RYR2: variants seen among roughly 807,000 people sequenced by gnomAD.
The protein encoded by RYR2 is ryanodine receptor 2, also known as cardiac muscle ryanodine receptor-calcium release channel.
In RYR2, 227 loss-of-function variants were observed where a neutral mutation model predicts 601.1. That is an observed-to-expected ratio of 0.38 (90% CI 0.34 to 0.42). The LOEUF (loss-of-function observed/expected upper bound fraction) is 0.42, where lower values mean the gene tolerates loss of function less well. Among genes scored for constraint, RYR2 ranks in the 10% least tolerant of loss-of-function variants. The pLI is 1.00. For missense variants in RYR2, 4,646 were observed against 6,156.5 expected (o/e 0.75, Z 8.21); for synonymous variants, 2,223 against 2,175.1 (o/e 1.02, Z -0.61).
intron 36 of RYR2, among the ~76,000 whole-genome samples, chr1:237,611,457 G>A (rs1448391792): frequency 1.3e-5 from 2 of 152,112 alleles, no homozygotes; most frequent in Non-Finnish European, 2.9e-5. Flanking sequence ...AAAATACTGG[G>A]AGTGTCTTCG....
chr1:237,341,180 T>A (rs1020835286), intron 3 of RYR2, among the ~76,000 whole-genome samples: 1 of 152,198 alleles, frequency 6.6e-6, no homozygotes, highest in African/African-American at 2.4e-5. Context: ...AATTTGGACA[T>A]CTTCCTCAGC....
chr1:237,710,699 G>GTAGATGATAGATAGA (rs1688760965), intron 70 of RYR2, among the ~76,000 whole-genome samples: 1 of 150,528 alleles, frequency 6.6e-6, no homozygotes, highest in African/African-American at 2.5e-5. Flanking sequence ...GATTAGGTAT[G>GTAGATGATAGATAGA]TAGATAGATA....
intron 1 of RYR2, among the ~76,000 whole-genome samples, chr1:237,192,494 C>A (rs1013085636): frequency 6.6e-6 from 1 of 152,200 alleles, no homozygotes; most frequent in Admixed American, 6.5e-5. Context: ...GGATTACAGG[C>A]ATGAGCCACA....
chr1:237,278,090 A>G (rs1287692061), intron 2 of RYR2, among the ~76,000 whole-genome samples: 2 of 151,202 alleles, frequency 1.3e-5, no homozygotes, highest in Admixed American at 1.3e-4. Flanking sequence ...TGTTTTTTTG[A>G]GTCAGGATCT....
rs558171485 is a variant in RYR2 at position 237,641,147 on chromosome 1, T to C, written c.7221+145T>C. 3.6e-4 allele frequency: 189 copies of C among 532,018 alleles called. 1 individual carries two copies. Among genetic ancestry groups the C allele is most frequent in the Non-Finnish European group, 5.0e-4 (156 of 313,488 alleles). 33.0% of individuals were successfully genotyped at this position (532,018 alleles called of 1,614,324 possible). A position where few individuals can be genotyped will look rare whatever the true frequency, so the allele number is the denominator to read the frequency against. On this transcript the variant is annotated intron_variant, in intron 47 of 104. Transcript: ENST00000366574. ...AGCTGCAGTCTAATCACTGAACAAG[T>C]GTTTGTTTAGTTGGAAATGTCTCGT...
chr1:237,614,269 A>T lies in RYR2; in HGVS notation c.5141A>T (p.Tyr1714Phe). 1.2e-6 allele frequency: 2 copies of T among 1,614,032 alleles called. No homozygotes were observed. Among genetic ancestry groups the T allele is most frequent in the Non-Finnish European group, 1.7e-6 (2 of 1,179,898 alleles). The change falls in exon 37 of 105, where the codon TAT becomes TTT. Residue 1714 changes from tyrosine to phenylalanine, a missense_variant. Around this residue, in one of 17 missense-constraint regions of RYR2, gnomAD observed 1,807 missense variants for 2,088.1 expected, o/e 0.87. Transcript: ENST00000366574. This position sits in a 1 kb window ranked among gnomAD's most constrained non-coding sequence, Gnocchi z 4.3. ...DLLIDIHLSS[Y>F]ATARLMMNNE... ...CTGATTGACATCCACCTGAGCTCCT[A>T]TGCCACTGCCAGGCTCATGATGAAC...
intron 8 of RYR2, among the ~76,000 whole-genome samples, chr1:237,383,227 A>C (rs1701680874): frequency 1.3e-5 from 2 of 151,942 alleles, no homozygotes; most frequent in Non-Finnish European, 2.9e-5. Context: ...AAAGGTATTG[A>C]AGTATAGTCT....
At chr1:237,570,217 CAAAA>C (rs371744146) in intron 29 of RYR2, among the ~76,000 whole-genome samples, 1 of 130,210 alleles carries the variant, frequency 7.7e-6, no homozygotes. Context: ...GACTGCATCT[CAAAA>C]AAAAAAAAAA....
chr1:237,334,098 A>C (rs1697015513), intron 3 of RYR2, among the ~76,000 whole-genome samples: 1 of 152,184 alleles, frequency 6.6e-6, no homozygotes, highest in African/African-American at 2.4e-5. Context: ...ATGATAAGGA[A>C]AATTTTTCCA....
chr1:237,238,661 G>A (rs1183389580), intron 1 of RYR2, among the ~76,000 whole-genome samples: 8 of 152,260 alleles, frequency 5.3e-5, no homozygotes, highest in African/African-American at 1.7e-4. Flanking sequence ...CTGTAGCACC[G>A]TCAGGCAGAC....
intron 1 of RYR2, among the ~76,000 whole-genome samples, chr1:237,233,278 T>G: frequency 6.6e-6 from 1 of 152,248 alleles, no homozygotes; most frequent in East Asian, 1.9e-4. Flanking sequence ...GTGTTTATAC[T>G]GCAAGAAACA....
intron 1 of RYR2, among the ~76,000 whole-genome samples, chr1:237,072,040 G>A (rs1055688716): frequency 6.6e-6 from 1 of 152,246 alleles, no homozygotes; most frequent in Admixed American, 6.5e-5. Flanking sequence ...CCCTGCTGGG[G>A]GAAGAGGGTG....
At chr1:237,156,397 T>TA (rs1201623642) in intron 1 of RYR2, among the ~76,000 whole-genome samples, 1 of 152,238 alleles carries the variant, frequency 6.6e-6, no homozygotes, top group African/African-American at 2.4e-5. Context: ...ATGTTACACT[T>TA]ACCTCCTGGA....
At chr1:237,727,888 T>C (rs1690328144) in intron 76 of RYR2, among the ~76,000 whole-genome samples, 1 of 152,054 alleles carries the variant, frequency 6.6e-6, no homozygotes, top group African/African-American at 2.4e-5. Context: ...TCAGTCACCT[T>C]GGAGTTCTCT....
At chr1:237,818,949 T>A in intron 100 of RYR2, 87 bp from the exon 101 acceptor site, 1 of 1,184,596 alleles carries the variant, frequency 8.4e-7, no homozygotes, top group Admixed American at 2.3e-5. Flanking sequence ...AGAGTGAGGA[T>A]TAGGAACTAC....
At chr1:237,759,143 G>A (rs1211010397) in intron 82 of RYR2, among the ~76,000 whole-genome samples, 1 of 152,178 alleles carries the variant, frequency 6.6e-6, no homozygotes, top group African/African-American at 2.4e-5. Context: ...CTGGAGTGCA[G>A]TGGCACCATC....
chr1:237,304,486 C>G (rs975325800), intron 2 of RYR2, among the ~76,000 whole-genome samples: 1 of 152,200 alleles, frequency 6.6e-6, no homozygotes, highest in Non-Finnish European at 1.5e-5. Flanking sequence ...TACGTAAACT[C>G]AGTGCCCAGA....
At chr1:237,197,321 C>T (rs529682722) in intron 1 of RYR2, among the ~76,000 whole-genome samples, 1 of 152,266 alleles carries the variant, frequency 6.6e-6, no homozygotes, top group Non-Finnish European at 1.5e-5. Flanking sequence ...GATTTCAATA[C>T]ACTGTATCAA....
chr1:237,759,439 A>G (rs1478480603), intron 82 of RYR2, among the ~76,000 whole-genome samples: 3 of 152,146 alleles, frequency 2.0e-5, no homozygotes, highest in Non-Finnish European at 4.4e-5. Context: ...AATAACATCT[A>G]TAGGAATTTT....
Sources: allele counts gnomAD v4.1 joint callset (sites outside exome capture counted in the v4.1 genomes callset), GRCh38; gene constraint gnomAD v4.1.1; regional missense constraint gnomAD v4.1.1; non-coding constraint Gnocchi (gnomAD v3.1); transcripts MANE v1.5; gene names NCBI Gene and HGNC (gene_info 2026-07-23, HGNC 2026-07-21).